Variants in EPB41L4B observed in about 807,000 individuals in gnomAD.
EPB41L4B encodes the protein band 4.1-like protein 4B.
A neutral mutation model predicts 112.5 loss-of-function variants in EPB41L4B; 30 were observed. The observed-to-expected ratio is 0.27, with a 90% CI of 0.20 to 0.36. The LOEUF (loss-of-function observed/expected upper bound fraction) is 0.36, where lower values mean the gene tolerates loss of function less well. Among genes scored for constraint, EPB41L4B ranks in the 10% least tolerant of loss-of-function variants. EPB41L4B has a pLI of 1.00. For synonymous variants in EPB41L4B, 408 were observed against 439.7 expected (o/e 0.93, Z 0.90); for missense variants, 1,024 against 1,133.3 (o/e 0.90, Z 1.38).
chr9:109,299,992 T>G (rs1326666908), intron 1 of EPB41L4B, among the ~76,000 whole-genome samples: 1 of 152,118 alleles, frequency 6.6e-6, no homozygotes, highest in African/African-American at 2.4e-5. Flanking sequence ...CCCAAGTGGA[T>G]TCACCACAGT....
In EPB41L4B at chr9:109,247,787, G is replaced by C; in HGVS notation, c.1313C>G (p.Ser438Cys). 1 of 1,494,118 alleles carries C rather than the reference G, an allele frequency of 6.7e-7. No individual in the cohort carries two copies. Among genetic ancestry groups the C allele is most frequent in the East Asian group, 2.5e-5 (1 of 39,998 alleles). 92.6% of individuals were successfully genotyped at this position (1,494,118 alleles called of 1,614,324 possible). ...SNPVIAAQLC[S>C]KTNPEVHNYQ... ...ATTATGGACTTCTGGATTTGTTTTA[G>C]AGCTAAACAAACAAACAAACAAAAA... Residue 438 changes from serine to cysteine, a missense_variant and splice_region_variant, in exon 14 of 26, where the codon TCT (serine) becomes TGT (cysteine). Coordinates refer to ENST00000374566, the MANE Select transcript of EPB41L4B (RefSeq NM_019114.5).
intron 23 of EPB41L4B, among the ~76,000 whole-genome samples, chr9:109,183,236 C>T (rs1564249120): frequency 1.3e-5 from 2 of 152,126 alleles, no homozygotes; most frequent in Admixed American, 1.3e-4. Context: ...TCCTGGGACA[C>T]GGTCTCTTAC....
chr9:109,279,985 T>TA lies in EPB41L4B; in HGVS notation c.307-65dup, dbSNP rs904825905. The TA allele has an allele frequency of 1.1e-4, 139 of 1,275,338 alleles. 1 individual carries two copies. The highest frequency in any genetic ancestry group is 1.7e-4 in the East Asian group (7 of 42,028). The allele number at this position is 1,275,338 out of a possible 1,614,324, so 79.0% of individuals were successfully genotyped here. ...GACAGCTAGATAAGAAAAAAAAGGTTAAAAAAAACCTACTTCTCTTTGTAA... is the reference window on the plus strand; with the variant it reads ...GACAGCTAGATAAGAAAAAAAAGGTTAAAAAAAAACCTACTTCTCTTTGTAA... On this transcript the variant is annotated intron_variant, in intron 1 of 25. Coordinates refer to ENST00000374566, the MANE Select transcript of EPB41L4B (RefSeq NM_019114.5).
chr9:109,299,818 G>A (rs150396259), intron 1 of EPB41L4B, among the ~76,000 whole-genome samples: 1 of 152,106 alleles, frequency 6.6e-6, no homozygotes, highest in Non-Finnish European at 1.5e-5. Context: ...GATTCCTCCT[G>A]CCTGTGCTGA....
chr9:109,229,237 A>G (rs1325683317), intron 15 of EPB41L4B, among the ~76,000 whole-genome samples: 1 of 152,212 alleles, frequency 6.6e-6, no homozygotes, highest in Non-Finnish European at 1.5e-5. Context: ...CTTGCTGAAC[A>G]GAATTTACAA....
intron 23 of EPB41L4B, among the ~76,000 whole-genome samples, chr9:109,185,201 A>G (rs970227267): frequency 1.2e-4 from 19 of 152,374 alleles, no homozygotes; most frequent in Admixed American, 1.1e-3. Flanking sequence ...ACCAAAGCAT[A>G]TATTTCTCTC....
chr9:109,200,737 G>A (rs1182396929), intron 19 of EPB41L4B, among the ~76,000 whole-genome samples: 1 of 151,970 alleles, frequency 6.6e-6, no homozygotes, highest in Non-Finnish European at 1.5e-5. Flanking sequence ...AAGTAATCTG[G>A]TAGCTATTCT....
intron 1 of EPB41L4B, among the ~76,000 whole-genome samples, chr9:109,285,597 TG>T (rs1480383245): frequency 1.3e-5 from 2 of 152,150 alleles, no homozygotes; most frequent in Non-Finnish European, 2.9e-5. Flanking sequence ...TTATGAGGGC[TG>T]GAATGGAGGG....
intron 15 of EPB41L4B, among the ~76,000 whole-genome samples, chr9:109,233,239 T>C (rs1001658375): frequency 1.3e-5 from 2 of 152,184 alleles, no homozygotes; most frequent in Non-Finnish European, 2.9e-5. Context: ...AAACCACAGG[T>C]GACTCTTGGG....
chr9:109,176,509 T>C, intron 25 of EPB41L4B, 42 bp downstream of exon 25: 1 of 1,559,326 alleles, frequency 6.4e-7, no homozygotes, highest in East Asian at 2.3e-5. Flanking sequence ...CTGGTTTCCC[T>C]GTCACCAGAA....
intron 15 of EPB41L4B, chr9:109,241,037 T>C (rs965531235): frequency 1.5e-5 from 15 of 985,086 alleles, no homozygotes; most frequent in South Asian, 1.4e-4. Flanking sequence ...ATACTTTATT[T>C]AGCTTCTGAA....
chr9:109,288,584 G>C (rs929487029), intron 1 of EPB41L4B, among the ~76,000 whole-genome samples: 1 of 151,762 alleles, frequency 6.6e-6, no homozygotes, highest in Non-Finnish European at 1.5e-5. Context: ...TTAGCTGGGC[G>C]TTGTGGCGGG....
intron 15 of EPB41L4B, among the ~76,000 whole-genome samples, chr9:109,233,024 A>C (rs1834006198): frequency 1.3e-5 from 2 of 152,226 alleles, no homozygotes; most frequent in Admixed American, 1.3e-4. Context: ...TAGCATAGCA[A>C]CACCTCTTGC....
chr9:109,303,414 C>T (rs757386471), intron 1 of EPB41L4B, among the ~76,000 whole-genome samples: 12 of 152,068 alleles, frequency 7.9e-5, no homozygotes, highest in Non-Finnish European at 1.5e-4. Context: ...GGCGCGATCT[C>T]GACTCACTGC....
chr9:109,276,384 C>G (rs1189015213), intron 2 of EPB41L4B, among the ~76,000 whole-genome samples: 2 of 151,898 alleles, frequency 1.3e-5, no homozygotes, highest in Non-Finnish European at 2.9e-5. Context: ...GAAGGAGAAA[C>G]AGCATAAGCA....
intron 11 of EPB41L4B, among the ~76,000 whole-genome samples, chr9:109,253,957 T>C (rs946338688): frequency 6.6e-6 from 1 of 152,266 alleles, no homozygotes; most frequent in Non-Finnish European, 1.5e-5. Context: ...CTTTCTTTGC[T>C]ATGCCAAGGC....
At chr9:109,185,064 G>A (rs148985983) in intron 23 of EPB41L4B, among the ~76,000 whole-genome samples, 1 of 152,296 alleles carries the variant, frequency 6.6e-6, no homozygotes, top group African/African-American at 2.4e-5. Flanking sequence ...GGGATGACAG[G>A]TAATTTTGTT....
intron 24 of EPB41L4B, among the ~76,000 whole-genome samples, chr9:109,177,004 C>T (rs1831868107): frequency 6.6e-6 from 1 of 152,180 alleles, no homozygotes; most frequent in South Asian, 2.1e-4. Context: ...CTTTGTCATG[C>T]CCACTATCAA....
chr9:109,268,141 CT>C (rs1449457665), intron 3 of EPB41L4B, among the ~76,000 whole-genome samples: 1 of 152,194 alleles, frequency 6.6e-6, no homozygotes, highest in Non-Finnish European at 1.5e-5. Context: ...TTAATCAGTT[CT>C]CATTGGCAGA....
Sources: allele counts gnomAD v4.1 joint callset (sites outside exome capture counted in the v4.1 genomes callset), GRCh38; gene constraint gnomAD v4.1.1; transcripts MANE v1.5; gene names NCBI Gene and HGNC (gene_info 2026-07-23, HGNC 2026-07-21).